Variants in OPCML observed in about 807,000 individuals in gnomAD.
OPCML encodes opioid-binding protein/cell adhesion molecule.
A neutral mutation model predicts 37.8 loss-of-function variants in OPCML; 13 were observed. The observed-to-expected ratio is 0.34, with a 90% CI of 0.22 to 0.55. The LOEUF is 0.55. Among genes scored for constraint, OPCML ranks in the 20% least tolerant of loss-of-function variants. OPCML has a pLI of 0.91. For synonymous variants in OPCML, 176 were observed against 168.8 expected, an observed-to-expected ratio of 1.04 and a Z score of -0.33; for missense variants, 341 against 435.6, an observed-to-expected ratio of 0.78 and a Z score of 1.93.
At chr11:133,234,203 ATT>A (rs1940411743) in intron 1 of OPCML, among the ~76,000 whole-genome samples, 1 of 152,028 alleles carries the variant, frequency 6.6e-6, no homozygotes, top group South Asian at 2.1e-4. Context: ...CATTTTTAAA[ATT>A]TTGTTTTGTT....
chr11:133,500,340 C>A (rs527826384), intron 1 of OPCML, among the ~76,000 whole-genome samples: 4 of 152,180 alleles, frequency 2.6e-5, no homozygotes, highest in Admixed American at 2.6e-4. Flanking sequence ...GCCACCCTGG[C>A]GTGAACAGTG....
intron 1 of OPCML, among the ~76,000 whole-genome samples, chr11:133,333,224 C>T (rs1592209991): frequency 1.3e-5 from 2 of 152,164 alleles, no homozygotes; most frequent in East Asian, 1.9e-4. Flanking sequence ...ATGCCCAGTA[C>T]ATTTTTGTAT....
At chr11:132,586,701 C>G (rs1234380597) in intron 3 of OPCML, among the ~76,000 whole-genome samples, 2 of 152,076 alleles carry the variant, frequency 1.3e-5, no homozygotes, top group African/African-American at 4.8e-5. Context: ...TGACACTGTG[C>G]TCAATAGAAC....
intron 1 of OPCML, among the ~76,000 whole-genome samples, chr11:132,986,255 T>C (rs564271432): frequency 1.1e-4 from 17 of 152,216 alleles, no homozygotes; most frequent in Non-Finnish European, 2.2e-4. Context: ...TCTGACTAGA[T>C]TCCTTGAGAT....
At chr11:133,301,894 A>G (rs1287945398) in intron 1 of OPCML, 1 of 152,248 alleles carries the variant, frequency 6.6e-6, no homozygotes, top group East Asian at 1.9e-4. Flanking sequence ...TATGGACTCA[A>G]ATTACAAATA....
intron 4 of OPCML, among the ~76,000 whole-genome samples, chr11:132,510,701 G>T (rs1458005441): frequency 6.6e-6 from 1 of 152,114 alleles, no homozygotes; most frequent in East Asian, 1.9e-4. Flanking sequence ...GGCTTCCCCA[G>T]CCATGTGGAA....
intron 4 of OPCML, among the ~76,000 whole-genome samples, chr11:132,448,669 G>C (rs746749349): frequency 1.2e-4 from 18 of 152,136 alleles, no homozygotes; most frequent in Non-Finnish European, 2.2e-4. Context: ...CTCACCAAAG[G>C]CATCTGTCTT....
At chr11:132,994,564 G>A (rs1457161562) in intron 1 of OPCML, among the ~76,000 whole-genome samples, 1 of 152,108 alleles carries the variant, frequency 6.6e-6, no homozygotes, top group African/African-American at 2.4e-5. Flanking sequence ...GGCTCAGGGC[G>A]GGGATTTTCA....
intron 4 of OPCML, chr11:132,437,581 C>T (rs2096017556): frequency 1.7e-6 from 1 of 591,544 alleles, no homozygotes; most frequent in Non-Finnish European, 2.1e-6. Context: ...TCAGTCAAGT[C>T]ACTTAACTTT....
At chr11:132,576,975 T>C (rs184352474) in intron 3 of OPCML, among the ~76,000 whole-genome samples, 184 of 152,226 alleles carry the variant, frequency 1.2e-3, no homozygotes, top group African/African-American at 4.2e-3. Flanking sequence ...TCTGACCCCA[T>C]TCAGGAATGC....
chr11:132,952,940 A>G (rs1945893295), intron 1 of OPCML, among the ~76,000 whole-genome samples: 1 of 152,172 alleles, frequency 6.6e-6, no homozygotes, highest in Non-Finnish European at 1.5e-5. Flanking sequence ...AAGACAAACA[A>G]AAGTAACATG....
chr11:132,718,015 C>T (rs1944551576), intron 2 of OPCML, among the ~76,000 whole-genome samples: 1 of 152,246 alleles, frequency 6.6e-6, no homozygotes, highest in Non-Finnish European at 1.5e-5. Context: ...TCCCTTTCCA[C>T]ACCATCGTCA....
In OPCML at chr11:132,715,438, G is replaced by A. The variant is rs115068594; in HGVS notation, c.147-58119C>T. On this transcript the variant is annotated intron_variant, in intron 2 of 7. Transcript: ENST00000524381. The stretch of plus-strand genomic sequence containing the variant: ...TCCTCAGCTCTGCTACTGCCAACTC[G>A]GTGACCTTGAACAATGTATGCATCC... Among the ~76,000 whole-genome samples, 505 of 152,180 alleles carry A rather than the reference G, an allele frequency of 3.3e-3. 3 individuals carry two copies. Among genetic ancestry groups the A allele is most frequent in the African/African-American group, 0.011 (461 of 41,518 alleles).
At chr11:132,902,774 C>T (rs1007688403) in intron 2 of OPCML, among the ~76,000 whole-genome samples, 1 of 152,070 alleles carries the variant, frequency 6.6e-6, no homozygotes, top group African/African-American at 2.4e-5. Context: ...AAACAGTGGT[C>T]TCAAGACTTG....
intron 1 of OPCML, among the ~76,000 whole-genome samples, chr11:133,083,234 G>A (rs1051040146): frequency 4.6e-5 from 7 of 152,214 alleles, no homozygotes; most frequent in African/African-American, 9.6e-5. Flanking sequence ...GGTGCACTGA[G>A]CGGCGGGAGC....
intron 2 of OPCML, among the ~76,000 whole-genome samples, chr11:132,747,979 T>C (rs1321500230): frequency 1.3e-5 from 2 of 152,060 alleles, no homozygotes; most frequent in East Asian, 1.9e-4. Context: ...GTTTGTGTCA[T>C]CCTACACCAA....
At chr11:133,355,035 C>G (rs1944251873) in intron 1 of OPCML, among the ~76,000 whole-genome samples, 1 of 152,218 alleles carries the variant, frequency 6.6e-6, no homozygotes, top group South Asian at 2.1e-4. Context: ...TCTTACTAAT[C>G]TCTTGATTCC....
chr11:133,412,103 A>G (rs1945664397), intron 1 of OPCML, among the ~76,000 whole-genome samples: 1 of 152,236 alleles, frequency 6.6e-6, no homozygotes, highest in African/African-American at 2.4e-5. Context: ...TGCAAAAGCA[A>G]GGGCAGAATA....
chr11:133,474,675 G>C (rs995375252), intron 1 of OPCML, among the ~76,000 whole-genome samples: 1 of 152,202 alleles, frequency 6.6e-6, no homozygotes, highest in African/African-American at 2.4e-5. Context: ...GGCGGGGCTG[G>C]AGGAGCATGG....
Sources: allele counts gnomAD v4.1 joint callset (sites outside exome capture counted in the v4.1 genomes callset), GRCh38; gene constraint gnomAD v4.1.1; transcripts MANE v1.5; gene names NCBI Gene and HGNC (gene_info 2026-07-23, HGNC 2026-07-21).